PCDHGA4: variants seen among roughly 807,000 people sequenced by gnomAD.
PCDHGA4 encodes the protein protocadherin gamma subfamily A, 4.
In PCDHGA4, 38 loss-of-function variants were observed where a neutral mutation model predicts 54.6. The ratio of observed to expected loss-of-function variants is 0.70; its 90% CI spans 0.54 to 0.91. PCDHGA4 has a LOEUF of 0.91. PCDHGA4 is among the 40% of genes least tolerant of loss of function. The probability of loss-of-function intolerance (pLI) is 0.00; values close to 1 mark genes in which losing one functional copy is unlikely to be tolerated. For missense variants in PCDHGA4, 1,298 were observed against 1,220.9 expected, an observed-to-expected ratio of 1.06 and a Z score of -0.94; for synonymous variants, 511 against 512.9, an observed-to-expected ratio of 1.00 and a Z score of 0.05.
In PCDHGA4 at chr5:141,486,499, C is replaced by G. The variant is rs1487201957; in HGVS notation, c.2515-8308C>G. 2 of 1,614,010 alleles carry G rather than the reference C, an allele frequency of 1.2e-6. No homozygotes were observed. Among genetic ancestry groups the G allele is most frequent in the Non-Finnish European group, 1.7e-6 (2 of 1,179,874 alleles). On this transcript the variant is annotated intron_variant, in intron 1 of 3. Coordinates refer to ENST00000571252, the MANE Select transcript of PCDHGA4 (RefSeq NM_018917.4). This position sits in a 1 kb window ranked among gnomAD's most constrained non-coding sequence, Gnocchi z 5.0. ...CTCTCAGTACCCACAGAACTATTTT[C>G]CTCAATATTTCAGATGTGAATGATA...
At chr5:141,478,050 C>T (rs2099429383) in intron 1 of PCDHGA4, 1 of 1,614,066 alleles carries the variant, frequency 6.2e-7, no homozygotes, top group Non-Finnish European at 8.5e-7. Flanking sequence ...CAGACTCTCA[C>T]GGTCTTGATC....
intron 1 of PCDHGA4, chr5:141,361,439 G>T (rs778817217): frequency 1.2e-6 from 2 of 1,614,032 alleles, no homozygotes. Context: ...CTCTCCTCCA[G>T]CATAATTGTC....
intron 1 of PCDHGA4, chr5:141,398,400 C>T: frequency 6.8e-7 from 1 of 1,465,224 alleles, no homozygotes; most frequent in Non-Finnish European, 9.5e-7. Context: ...GCAGGCTAGA[C>T]AGGGAGGAGA....
chr5:141,365,394 C>T (rs1245270195), intron 1 of PCDHGA4: 22 of 1,613,942 alleles, frequency 1.4e-5, no homozygotes, highest in Non-Finnish European at 1.9e-5. Flanking sequence ...CTGACCAGTT[C>T]GATCTCTGAA....
chr5:141,382,792 T>C (rs993602404), intron 1 of PCDHGA4: 3 of 949,494 alleles, frequency 3.2e-6, no homozygotes, highest in Middle Eastern at 2.2e-4. Flanking sequence ...GCCTCTATCC[T>C]GCTGGATTCT....
chr5:141,507,553 C>T (rs1382652977), intron 3 of PCDHGA4, among the ~76,000 whole-genome samples: 4 of 152,192 alleles, frequency 2.6e-5, no homozygotes, highest in Admixed American at 2.0e-4. Flanking sequence ...ATGAAAGTGG[C>T]AGGCGGCTGG....
chr5:141,355,125 C>T lies in PCDHGA4; in HGVS notation c.18C>T (p.Asp6=), dbSNP rs1759721268. 2.0e-6 allele frequency: 3 copies of T among 1,516,258 alleles called. No individual in the cohort carries two copies. Among genetic ancestry groups the T allele is most frequent in the African/African-American group, 1.4e-5 (1 of 71,582 alleles). 93.9% of individuals were successfully genotyped at this position (1,516,258 alleles called of 1,614,324 possible). A position where few individuals can be genotyped will look rare whatever the true frequency, so the allele number is the denominator to read the frequency against. Residue 6 remains aspartate, a synonymous_variant, in exon 1 of 4, where the codon GAC becomes GAT. Transcript: ENST00000571252. MHFIL[D]PEDPGAPQAS... is the part of the protein sequence containing the mutation. ...GGCTGTGAATGCACTTTATTTTGGA[C>T]CCAGAAGATCCTGGGGCTCCTCAGG...
rs201160783 is a variant in PCDHGA4, at chr5:141,418,846, A to G, written c.2514+61225A>G. The G allele has an allele frequency of 7.4e-5, 120 of 1,613,976 alleles. No homozygotes were observed. In the East Asian group the frequency reaches 2.6e-3, roughly 34 times the overall value. On this transcript the variant is annotated intron_variant, in intron 1 of 3. Transcript: ENST00000571252. Reference sequence around the variant, plus strand: ...CAAAAGACCGAGGATCTCTCTCAACACGGTGTAAAGTAATTGTAGAAGTTG... The same window carrying G: ...CAAAAGACCGAGGATCTCTCTCAACGCGGTGTAAAGTAATTGTAGAAGTTG...
At chr5:141,417,913 T>C in intron 1 of PCDHGA4, 1 of 1,601,944 alleles carries the variant, frequency 6.2e-7, no homozygotes, top group Admixed American at 1.8e-5. Context: ...AGGTACTATT[T>C]CCTTTGCTGC....
At chr5:141,418,449 A>C in intron 1 of PCDHGA4, 1 of 1,614,040 alleles carries the variant, frequency 6.2e-7, no homozygotes, top group Non-Finnish European at 8.5e-7. Context: ...TTAGTATTGC[A>C]GAAGACTCTG....
rs373867677 is a variant in PCDHGA4 at position 141,432,049 on chromosome 5, G to A, written c.2515-62758G>A. The A allele has an allele frequency of 2.0e-5, 32 of 1,614,150 alleles. No individual in the cohort carries two copies. In the African/African-American group the frequency reaches 4.1e-4, roughly 21 times the overall value. ...TGACCGCCACTGACCGGGGAACCCC[G>A]CCCCTATCCACGGAAACTCATATCT... On this transcript the variant is annotated intron_variant, in intron 1 of 3. Coordinates refer to ENST00000571252, the MANE Select transcript of PCDHGA4 (RefSeq NM_018917.4). The surrounding 1 kb of genome is among the most constrained non-coding windows in gnomAD (Gnocchi z 6.0).
chr5:141,355,396 A>G lies in PCDHGA4; in HGVS notation c.289A>G (p.Ile97Val). 4 of 1,614,080 alleles carry G rather than the reference A, an allele frequency of 2.5e-6. No homozygotes were observed. Among genetic ancestry groups the G allele is most frequent in the Non-Finnish European group, 3.4e-6 (4 of 1,179,914 alleles). ...PRELAERGVRIVSRGRTQLFA... is the reference protein window; with the variant it reads ...PRELAERGVRVVSRGRTQLFA... ...GGAGCTGGCGGAGCGCGGAGTCCGCATCGTCTCCAGAGGTAGGACGCAGCT... is the reference window on the plus strand; with the variant it reads ...GGAGCTGGCGGAGCGCGGAGTCCGCGTCGTCTCCAGAGGTAGGACGCAGCT... The change falls in exon 1 of 4, where the codon ATC becomes GTC. Residue 97 changes from isoleucine (I) to valine (V), a missense_variant. Coordinates refer to ENST00000571252, the MANE Select transcript of PCDHGA4 (RefSeq NM_018917.4).
chr5:141,364,599 T>G, intron 1 of PCDHGA4: 1 of 1,614,178 alleles, frequency 6.2e-7, no homozygotes, highest in Non-Finnish European at 8.5e-7. Context: ...GCGGGCAGGA[T>G]AGACCGGGAG....
chr5:141,457,481 G>T (rs990111430), intron 1 of PCDHGA4, among the ~76,000 whole-genome samples: 1 of 152,212 alleles, frequency 6.6e-6, no homozygotes, highest in African/African-American at 2.4e-5. Context: ...CAGGGCCAGG[G>T]TTAGTCTAAA....
Position 141,476,075 on chromosome 5 carries a change from G to T in PCDHGA4, c.2515-18732G>T. ...TGAAAGTTTCTCAGCGAAATCTCAG[G>T]GACGATCTGGACCCCGCTGAGAGGA... On this transcript the variant is annotated intron_variant, in intron 1 of 3. Coordinates refer to ENST00000571252, the MANE Select transcript of PCDHGA4 (RefSeq NM_018917.4). This position sits in a 1 kb window ranked among gnomAD's most constrained non-coding sequence, Gnocchi z 7.6. The T allele has an allele frequency of 6.6e-7, 1 of 1,526,282 alleles. No homozygotes were observed. The highest frequency in any genetic ancestry group is 1.3e-5 in the South Asian group (1 of 78,462). The allele number at this position is 1,526,282 out of a possible 1,614,324, so 94.5% of individuals were successfully genotyped here.
chr5:141,470,123 C>T (rs368463710), intron 1 of PCDHGA4, among the ~76,000 whole-genome samples: 11 of 151,234 alleles, frequency 7.3e-5, no homozygotes, highest in Admixed American at 3.3e-4. Flanking sequence ...AGCAAGACTT[C>T]GTCTCAAAAA....
In PCDHGA4 at chr5:141,402,356, T is replaced by C. The variant is rs183915738; in HGVS notation, c.2514+44735T>C. Among the ~76,000 whole-genome samples, 46 of 152,098 alleles carry C rather than the reference T, an allele frequency of 3.0e-4. 1 individual carries two copies. Among genetic ancestry groups the C allele is most frequent in the African/African-American group, 1.0e-3 (43 of 41,550 alleles). On this transcript the variant is annotated intron_variant, in intron 1 of 3. Coordinates refer to ENST00000571252, the MANE Select transcript of PCDHGA4 (RefSeq NM_018917.4). ...TATAGGTATAAAAATTAAAAATGAA[T>C]GTACTTCCAAACAAGATTGCACATA...
intron 1 of PCDHGA4, chr5:141,408,379 G>C: frequency 6.2e-7 from 1 of 1,614,032 alleles, no homozygotes; most frequent in South Asian, 1.1e-5. Context: ...TCAGTGTCCT[G>C]GATGTGTCGG....
At chr5:141,397,224 A>T (rs2093491277) in intron 1 of PCDHGA4, among the ~76,000 whole-genome samples, 1 of 151,376 alleles carries the variant, frequency 6.6e-6, no homozygotes. Context: ...ATTTTGAGAT[A>T]TGAAGAAGAG....
Sources: gnomAD v4.1 joint callset for allele counts (sites outside exome capture counted in the v4.1 genomes callset) on GRCh38, gnomAD v4.1.1 for gene constraint, Gnocchi (gnomAD v3.1) non-coding constraint, MANE v1.5 for transcripts, NCBI Gene and HGNC (gene_info 2026-07-23, HGNC 2026-07-21) for gene names.